The following EHBP1 variants were observed in gnomAD, a reference collection of about 807,000 sequenced individuals.
EHBP1 encodes the protein EH domain-binding protein 1.
Under a neutral mutation model 144.0 loss-of-function variants are expected in EHBP1, and 55 were observed. That is an observed-to-expected ratio of 0.38 (90% confidence interval 0.31 to 0.48). The LOEUF is 0.48. Among genes scored for constraint, EHBP1 ranks in the 20% least tolerant of loss-of-function variants. EHBP1 has a pLI of 0.98. For missense variants in EHBP1, 1,200 were observed against 1,364.2 expected (o/e 0.88, Z 1.90); for synonymous variants, 469 against 472.7 (o/e 0.99, Z 0.10).
rs1201601497 is a variant in EHBP1 at position 62,982,369 on chromosome 2, G to C, written c.2608+3034G>C. Among the ~76,000 whole-genome samples the C allele has an allele frequency of 4.6e-5, 7 of 152,242 alleles. No individual in the cohort carries two copies. The East Asian group carries it at 1.4e-3, about 29-fold the overall frequency. ...GAACAATATATGAATGAATGAGCCT[G>C]GTTGTTATTTACCTTCAAAAGACAG... On this transcript the variant is annotated intron_variant, in intron 15 of 22. Coordinates refer to ENST00000431489, the MANE Select transcript of EHBP1 (RefSeq NM_001142616.3).
chr2:62,914,459 T>C (rs1237494244), intron 10 of EHBP1, among the ~76,000 whole-genome samples: 1 of 152,146 alleles, frequency 6.6e-6, no homozygotes, highest in East Asian at 1.9e-4. Context: ...AATATAAATA[T>C]TAAAATCAAA....
chr2:62,674,207 TG>T, intron 1 of EHBP1: 1 of 456,612 alleles, frequency 2.2e-6, no homozygotes, highest in Admixed American at 2.5e-5. Flanking sequence ...TGTGTATGTG[TG>T]TGTGTGTAAA....
At chr2:62,771,495 A>G in intron 5 of EHBP1, 103 bp downstream of exon 5, 1 of 784,494 alleles carries the variant, frequency 1.3e-6, no homozygotes, top group South Asian at 2.0e-5. Context: ...TTGCCTTAAG[A>G]AAATTAAATA....
intron 14 of EHBP1, among the ~76,000 whole-genome samples, chr2:62,971,748 C>G (rs182577908): frequency 7.2e-5 from 11 of 152,296 alleles, no homozygotes; most frequent in Admixed American, 2.0e-4. Context: ...TGTGAGCACA[C>G]AGGGCACAGA....
intron 5 of EHBP1, among the ~76,000 whole-genome samples, chr2:62,818,975 G>C (rs1313465461): frequency 1.3e-5 from 2 of 152,136 alleles, no homozygotes; most frequent in Non-Finnish European, 2.9e-5. Context: ...CTCACTTAGG[G>C]AGTCTTTAAG....
chr2:62,707,156 T>C lies in EHBP1; in HGVS notation c.-36T>C, dbSNP rs1034796338. The C allele has an allele frequency of 6.4e-7, 1 of 1,558,408 alleles. No homozygotes were observed. Among genetic ancestry groups the C allele is most frequent in the Non-Finnish European group, 8.9e-7 (1 of 1,129,228 alleles). ...TGCATTATTAAAGCTGCTGTATTGC[T>C]AACCCAGAACTGCTCCAGTGTCTTG... On this transcript the variant is annotated 5_prime_UTR_variant, in exon 2 of 23. Transcript: ENST00000431489.
chr2:62,883,169 G>T (rs1184166460), intron 10 of EHBP1, among the ~76,000 whole-genome samples: 1 of 152,192 alleles, frequency 6.6e-6, no homozygotes, highest in Admixed American at 6.5e-5. Context: ...GGTTCATTGT[G>T]TGCAAAACCC....
chr2:62,802,006 T>C (rs1253933926), intron 5 of EHBP1, among the ~76,000 whole-genome samples: 4 of 152,204 alleles, frequency 2.6e-5, no homozygotes, highest in Non-Finnish European at 5.9e-5. Flanking sequence ...GGTCACAGGA[T>C]ATACTCTGAG....
intron 2 of EHBP1, among the ~76,000 whole-genome samples, chr2:62,736,159 TG>T (rs1478922808): frequency 4.6e-5 from 7 of 152,060 alleles, no homozygotes; most frequent in African/African-American, 1.7e-4. Flanking sequence ...TGACATCTTT[TG>T]TAGTTGTTCC....
At chr2:62,854,740 A>C (rs1412845411) in intron 7 of EHBP1, among the ~76,000 whole-genome samples, 1 of 152,202 alleles carries the variant, frequency 6.6e-6, no homozygotes, top group Non-Finnish European at 1.5e-5. Flanking sequence ...AAAGGTTTAG[A>C]ATATGGTGAT....
chr2:62,996,885 T>C (rs2059651545), intron 19 of EHBP1, 119 bp downstream of exon 19: 1 of 1,438,760 alleles, frequency 7.0e-7, no homozygotes, highest in Admixed American at 2.6e-5. Context: ...GCCTTGAAAA[T>C]AAAAAGGCTG....
At chr2:62,885,651 A>G (rs1222904673) in intron 10 of EHBP1, among the ~76,000 whole-genome samples, 2 of 152,258 alleles carry the variant, frequency 1.3e-5, no homozygotes, top group Non-Finnish European at 2.9e-5. Flanking sequence ...TATGTTATTA[A>G]ATACTATATG....
At chr2:62,988,616 G>A (rs1313009179) in intron 15 of EHBP1, among the ~76,000 whole-genome samples, 1 of 152,056 alleles carries the variant, frequency 6.6e-6, no homozygotes, top group East Asian at 1.9e-4. Flanking sequence ...ACCTTTGTAA[G>A]TTCTTATTTA....
intron 1 of EHBP1, among the ~76,000 whole-genome samples, chr2:62,679,564 G>A (rs1375610679): frequency 6.6e-6 from 1 of 151,906 alleles, no homozygotes; most frequent in Non-Finnish European, 1.5e-5. Context: ...CTTGTTCTAA[G>A]GTCCTAGTAG....
chr2:62,692,775 A>G (rs1453037960), intron 1 of EHBP1, among the ~76,000 whole-genome samples: 3 of 151,908 alleles, frequency 2.0e-5, no homozygotes, highest in Non-Finnish European at 4.4e-5. Flanking sequence ...GTAGGTGTAT[A>G]TATTTATGGG....
intron 2 of EHBP1, among the ~76,000 whole-genome samples, chr2:62,723,841 G>A (rs1309495821): frequency 6.6e-6 from 1 of 152,176 alleles, no homozygotes; most frequent in Non-Finnish European, 1.5e-5. Context: ...TTCTTCTGCT[G>A]AGAGGTCCAC....
intron 3 of EHBP1, among the ~76,000 whole-genome samples, chr2:62,752,550 C>T (rs558622901): frequency 5.9e-5 from 9 of 152,164 alleles, no homozygotes; most frequent in South Asian, 2.1e-4. Flanking sequence ...CTTTCTGTCT[C>T]GTTGATCTGT....
intron 19 of EHBP1, among the ~76,000 whole-genome samples, chr2:63,006,488 A>C (rs1015623782): frequency 1.3e-5 from 2 of 151,896 alleles, no homozygotes; most frequent in Non-Finnish European, 2.9e-5. Flanking sequence ...ATAGAAAAAA[A>C]CCTTTAACCA....
intron 5 of EHBP1, among the ~76,000 whole-genome samples, chr2:62,817,213 GA>G (rs887216191): frequency 1.3e-5 from 2 of 152,172 alleles, no homozygotes; most frequent in Non-Finnish European, 2.9e-5. Context: ...AAGTTAAGGA[GA>G]AAAAGTAAAG....
Sources: allele counts gnomAD v4.1 joint callset (sites outside exome capture counted in the v4.1 genomes callset), GRCh38; gene constraint gnomAD v4.1.1; transcripts MANE v1.5; gene names NCBI Gene and HGNC (gene_info 2026-07-23, HGNC 2026-07-21).